The following FOXP1 variants were observed in gnomAD, a reference collection of about 807,000 sequenced individuals.
The protein encoded by FOXP1 is forkhead box P1.
A neutral mutation model predicts 98.2 loss-of-function variants in FOXP1; 15 were observed. The observed-to-expected ratio is 0.15, with a 90% CI of 0.10 to 0.24. The LOEUF (loss-of-function observed/expected upper bound fraction) is 0.24, where lower values mean the gene tolerates loss of function less well. Ranked by LOEUF, FOXP1 falls within the 10% of genes least tolerant of loss-of-function variation. The probability of loss-of-function intolerance (pLI) is 1.00; values close to 1 mark genes in which losing one functional copy is unlikely to be tolerated. For missense variants in FOXP1, 633 were observed against 848.5 expected (o/e 0.75, Z 3.15); for synonymous variants, 371 against 314.5 (o/e 1.18, Z -1.90).
rs151198275 is a variant in FOXP1, at chr3:71,436,719, G to C, written c.-168+56707C>G. Reference sequence around the variant, plus strand: ...AAACCAAGTCTGGAGCACATCCTCCGAGAATGATGATGAGAATACACCAAA... The same window carrying C: ...AAACCAAGTCTGGAGCACATCCTCCCAGAATGATGATGAGAATACACCAAA... On this transcript the variant is annotated intron_variant, in intron 3 of 20. Coordinates refer to ENST00000649528, the MANE Select transcript of FOXP1 (RefSeq NM_001349338.3). Among the ~76,000 whole-genome samples, 380 of 152,220 alleles carry C rather than the reference G, an allele frequency of 2.5e-3. 4 individuals carry two copies. The highest frequency in any genetic ancestry group is 8.1e-3 in the African/African-American group (336 of 41,534).
intron 3 of FOXP1, among the ~76,000 whole-genome samples, chr3:71,481,137 T>C (rs567347933): frequency 1.4e-4 from 21 of 152,296 alleles, no homozygotes; most frequent in African/African-American, 5.1e-4. Context: ...ACAAACCAAA[T>C]ATTTTGCTTA....
At position 70,959,191 on chromosome 3, in the gene FOXP1, T is replaced by G. The variant is rs1321613553; in HGVS notation, c.*56A>C. 8.4e-6 allele frequency: 5 copies of G among 592,910 alleles called. No individual in the cohort carries two copies. Among genetic ancestry groups the G allele is most frequent in the Non-Finnish European group, 1.2e-5 (5 of 408,276 alleles). 36.7% of individuals were successfully genotyped at this position (592,910 alleles called of 1,614,324 possible). A position where few individuals can be genotyped will look rare whatever the true frequency, so the allele number is the denominator to read the frequency against. On this transcript the variant is annotated 3_prime_UTR_variant, in exon 21 of 21. Transcript: ENST00000649528. ...AATTTCACTGCTAACTTTTGACGTG[T>G]TTTTTTTTTTTTCCTTTTTCCAATC...
At chr3:71,190,132 A>G (rs1016592372) in intron 6 of FOXP1, among the ~76,000 whole-genome samples, 1 of 151,750 alleles carries the variant, frequency 6.6e-6, no homozygotes. Flanking sequence ...TCTACTTAGA[A>G]CCCTCCCATA....
At chr3:71,047,177 A>T (rs2049135450) in intron 9 of FOXP1, 82 bp from the exon 10 acceptor site, 2 of 1,500,428 alleles carry the variant, frequency 1.3e-6, no homozygotes, top group East Asian at 2.3e-5. Flanking sequence ...ACTCACCATC[A>T]TCATCAAATG....
intron 12 of FOXP1, among the ~76,000 whole-genome samples, chr3:71,004,793 C>T (rs1372268940): frequency 3.3e-5 from 5 of 152,066 alleles, no homozygotes; most frequent in South Asian, 2.1e-4. Context: ...GCCGGTCATA[C>T]GTGACAAGCT....
intron 5 of FOXP1, among the ~76,000 whole-genome samples, chr3:71,251,829 G>A (rs2068213389): frequency 6.6e-6 from 1 of 152,160 alleles, no homozygotes; most frequent in Admixed American, 6.5e-5. Flanking sequence ...TAGGCTCAAC[G>A]TAGACTTTAG....
At chr3:71,366,427 C>A (rs1166363865) in intron 3 of FOXP1, among the ~76,000 whole-genome samples, 1 of 151,820 alleles carries the variant, frequency 6.6e-6, no homozygotes, top group Non-Finnish European at 1.5e-5. Flanking sequence ...ATAAAATAAG[C>A]AAGATAGGAA....
intron 6 of FOXP1, among the ~76,000 whole-genome samples, chr3:71,147,097 G>A (rs2060348480): frequency 6.6e-6 from 1 of 152,190 alleles, no homozygotes; most frequent in African/African-American, 2.4e-5. Flanking sequence ...CCTCTAACTT[G>A]GAGAAGTCTT....
chr3:71,192,669 G>A (rs774264801), intron 6 of FOXP1, among the ~76,000 whole-genome samples: 1 of 152,182 alleles, frequency 6.6e-6, no homozygotes, highest in Non-Finnish European at 1.5e-5. Context: ...TCTTGAAACA[G>A]GGTCTCAATC....
intron 3 of FOXP1, among the ~76,000 whole-genome samples, chr3:71,484,500 A>ATAC (rs2090512426): frequency 6.6e-6 from 1 of 152,182 alleles, no homozygotes; most frequent in African/African-American, 2.4e-5. Flanking sequence ...AAAGTCTCAA[A>ATAC]AAGGTTCAAA....
chr3:71,150,476 A>G (rs1477762966), intron 6 of FOXP1, among the ~76,000 whole-genome samples: 2 of 151,848 alleles, frequency 1.3e-5, no homozygotes, highest in Non-Finnish European at 2.9e-5. Context: ...ACAGTCTGGC[A>G]GGAGGTGAAA....
chr3:71,141,889 A>C (rs2060089671), intron 6 of FOXP1, among the ~76,000 whole-genome samples: 1 of 152,248 alleles, frequency 6.6e-6, no homozygotes, highest in Non-Finnish European at 1.5e-5. Context: ...CCACAAGTAA[A>C]GAAGAAATCA....
Position 71,490,645 on chromosome 3 carries a change from A to C in FOXP1, c.-168+2781T>G, listed in dbSNP as rs189626249. On this transcript the variant is annotated intron_variant, in intron 3 of 20. Transcript: ENST00000649528. ...ACTAAGAACTGCCTTATTTACAAAA[A>C]TTCTAGTATTCCACTAGGCCTAAAA... is the stretch of plus-strand genomic sequence containing the variant. Among the ~76,000 whole-genome samples, 60 of 152,310 alleles carry C rather than the reference A, an allele frequency of 3.9e-4. 1 individual carries two copies. The highest frequency in any genetic ancestry group is 1.4e-3 in the African/African-American group (58 of 41,580).
chr3:71,205,517 A>G (rs2063969362), intron 5 of FOXP1, among the ~76,000 whole-genome samples: 1 of 152,206 alleles, frequency 6.6e-6, no homozygotes, highest in Middle Eastern at 3.2e-3. Context: ...TTAAAAAAAA[A>G]CAAAACCAAA....
At chr3:71,502,430 T>C (rs923676669) in intron 2 of FOXP1, among the ~76,000 whole-genome samples, 2 of 152,268 alleles carry the variant, frequency 1.3e-5, no homozygotes, top group African/African-American at 4.8e-5. Flanking sequence ...AGTCTTGCTC[T>C]ATAAACATGT....
chr3:71,502,083 C>G (rs1560574181), intron 2 of FOXP1, among the ~76,000 whole-genome samples: 1 of 152,316 alleles, frequency 6.6e-6, no homozygotes, highest in South Asian at 2.1e-4. Flanking sequence ...GGCACCCTAT[C>G]TATAACAAGT....
At chr3:71,150,208 G>A (rs550791254) in intron 6 of FOXP1, among the ~76,000 whole-genome samples, 1 of 152,300 alleles carries the variant, frequency 6.6e-6, no homozygotes, top group East Asian at 1.9e-4. Flanking sequence ...CGAAATCAAC[G>A]AGTACTAGGG....
intron 6 of FOXP1, among the ~76,000 whole-genome samples, chr3:71,190,329 G>C (rs754467543): frequency 7.9e-5 from 12 of 151,986 alleles, no homozygotes; most frequent in Non-Finnish European, 1.5e-4. Context: ...AGTTAAATGA[G>C]GCTGGGTGTG....
rs1180971534 is a variant in FOXP1, at chr3:71,515,731, A to C, written c.-297-22176T>G. On this transcript the variant is annotated intron_variant, in intron 2 of 20. Transcript: ENST00000649528. ...CATTGTGAAGAAAACAGCACTTAAC[A>C]TAAGTTATATCTAGCTCACCTTTAC... Among the ~76,000 whole-genome samples the C allele has an allele frequency of 3.9e-5, 6 of 152,236 alleles. No homozygotes were observed. In the East Asian group the frequency reaches 9.6e-4, roughly 24 times the overall value.
Sources: allele counts gnomAD v4.1 joint callset (sites outside exome capture counted in the v4.1 genomes callset), GRCh38; gene constraint gnomAD v4.1.1; transcripts MANE v1.5; gene names NCBI Gene and HGNC (gene_info 2026-07-23, HGNC 2026-07-21).